Variants in SLC30A8 observed in about 807,000 individuals in gnomAD.
The protein encoded by SLC30A8 is proton-coupled zinc antiporter SLC30A8.
Under a neutral mutation model 36.9 loss-of-function variants are expected in SLC30A8, and 27 were observed. The ratio of observed to expected loss-of-function variants is 0.73; its 90% CI spans 0.54 to 1.01. SLC30A8 has a LOEUF of 1.01. Ranked by LOEUF, SLC30A8 falls within the 50% of genes least tolerant of loss-of-function variation. The pLI, the probability that SLC30A8 is intolerant of heterozygous loss-of-function variation, is 0.00. For synonymous variants in SLC30A8, 164 were observed against 172.4 expected, an observed-to-expected ratio of 0.95 and a Z score of 0.38; for missense variants, 439 against 452.0, an observed-to-expected ratio of 0.97 and a Z score of 0.26.
chr8:117,172,920 T>G lies in SLC30A8; in HGVS notation c.*239T>G, dbSNP rs1218973473. 1 of 518,930 alleles carries G rather than the reference T, an allele frequency of 1.9e-6. No individual in the cohort carries two copies. The highest frequency in any genetic ancestry group is 3.4e-6 in the Non-Finnish European group (1 of 294,564). 32.1% of individuals were successfully genotyped at this position (518,930 alleles called of 1,614,324 possible). On this transcript the variant is annotated 3_prime_UTR_variant, in exon 8 of 8. Transcript: ENST00000456015. Reference sequence around the variant, plus strand: ...TCAATTGCAGGAATGTGTATATAGATTATTCCTGAGTGGAGCCGAAGTAAC... The same window carrying G: ...TCAATTGCAGGAATGTGTATATAGAGTATTCCTGAGTGGAGCCGAAGTAAC...
At chr8:117,093,339 G>A (rs543160683) in intron 2 of SLC30A8, among the ~76,000 whole-genome samples, 2 of 151,736 alleles carry the variant, frequency 1.3e-5, no homozygotes, top group South Asian at 2.1e-4. Context: ...CAAGTAAGGT[G>A]AATGTGTACT....
chr8:117,111,476 G>T (rs970155352), intron 2 of SLC30A8, among the ~76,000 whole-genome samples: 10 of 152,044 alleles, frequency 6.6e-5, no homozygotes, highest in Non-Finnish European at 1.5e-4. Context: ...CAAATTATTG[G>T]TTGCTGTGCT....
At chr8:117,041,919 A>G (rs1211556817) in intron 2 of SLC30A8, among the ~76,000 whole-genome samples, 1 of 152,206 alleles carries the variant, frequency 6.6e-6, no homozygotes, top group East Asian at 1.9e-4. Flanking sequence ...ATATTGGCCA[A>G]TGAAGGAAAA....
chr8:117,166,063 C>T (rs972505638), intron 6 of SLC30A8, among the ~76,000 whole-genome samples: 1 of 152,078 alleles, frequency 6.6e-6, no homozygotes, highest in Non-Finnish European at 1.5e-5. Context: ...TTCTATAGCA[C>T]TACAGAATGA....
At chr8:117,084,991 AT>A (rs902995612) in intron 2 of SLC30A8, among the ~76,000 whole-genome samples, 35 of 151,654 alleles carry the variant, frequency 2.3e-4, no homozygotes, top group African/African-American at 7.5e-4. Flanking sequence ...AAAGAGATTG[AT>A]TTTTTTTTAA....
chr8:116,970,785 T>C lies in SLC30A8; in HGVS notation c.-266+19666T>C, dbSNP rs116653867. 9.1e-3 allele frequency among the ~76,000 whole-genome samples: 1,389 copies of C among 152,262 alleles called. 32 individuals carry two copies. The highest frequency in any genetic ancestry group is 0.031 in the African/African-American group (1,289 of 41,544). On this transcript the variant is annotated intron_variant, in intron 1 of 10. Coordinates refer to the SLC30A8 transcript ENST00000427715. ...ATAGCCTCAGATGTTAGCTATTTTT[T>C]TTATTACTGATTATATTATGAAAAT...
chr8:116,961,029 G>C (rs1358247258), intron 1 of SLC30A8, among the ~76,000 whole-genome samples: 4 of 152,110 alleles, frequency 2.6e-5, no homozygotes, highest in African/African-American at 4.8e-5. Flanking sequence ...AGGTGGGGAG[G>C]AAGGGAGAAA....
At chr8:117,110,636 G>A (rs369556388) in intron 2 of SLC30A8, among the ~76,000 whole-genome samples, 1 of 152,178 alleles carries the variant, frequency 6.6e-6, no homozygotes, top group Non-Finnish European at 1.5e-5. Context: ...TCTCTGAGAG[G>A]ATCAAGGAAT....
intron 2 of SLC30A8, among the ~76,000 whole-genome samples, chr8:117,116,227 C>G (rs991720612): frequency 2.6e-5 from 4 of 151,968 alleles, no homozygotes; most frequent in Admixed American, 2.6e-4. Flanking sequence ...GAATTTTGTT[C>G]TGAGTGTAAT....
intron 1 of SLC30A8, among the ~76,000 whole-genome samples, chr8:116,985,418 T>G (rs1220877382): frequency 6.6e-6 from 1 of 152,072 alleles, no homozygotes; most frequent in African/African-American, 2.4e-5. Flanking sequence ...TTCATTATTT[T>G]TTTAACAGCT....
In SLC30A8 at chr8:116,994,163, A is replaced by G. The variant is rs146786639; in HGVS notation, c.-266+43044A>G. Among the ~76,000 whole-genome samples the G allele has an allele frequency of 1.6e-4, 25 of 152,230 alleles. No individual in the cohort carries two copies. In the East Asian group the frequency reaches 4.6e-3, roughly 28 times the overall value. On this transcript the variant is annotated intron_variant, in intron 1 of 10. Coordinates refer to the SLC30A8 transcript ENST00000427715. ...CTTCACAGAAATGATTCAAGGGAAT[A>G]TGAATGGAGAGAATTTGGAGCAACT...
intron 1 of SLC30A8, among the ~76,000 whole-genome samples, chr8:117,015,565 G>T (rs986384505): frequency 6.6e-6 from 1 of 152,050 alleles, no homozygotes; most frequent in Non-Finnish European, 1.5e-5. Flanking sequence ...AAGAGGGCGA[G>T]GGAGGGCTTT....
intron 2 of SLC30A8, among the ~76,000 whole-genome samples, chr8:117,047,301 A>G (rs1817583317): frequency 6.6e-6 from 1 of 152,194 alleles, no homozygotes; most frequent in Non-Finnish European, 1.5e-5. Context: ...GAGGAAACCA[A>G]GGCTCAGCTA....
chr8:116,981,425 A>G (rs914663564), intron 1 of SLC30A8, among the ~76,000 whole-genome samples: 1 of 152,150 alleles, frequency 6.6e-6, no homozygotes, highest in Non-Finnish European at 1.5e-5. Context: ...TTTTAAAGTT[A>G]TATTTTAGAT....
rs1385594574 is a variant in SLC30A8 at position 117,143,792 on chromosome 8, G to C, written c.72-3162G>C. On this transcript the variant is annotated intron_variant, in intron 1 of 7. Transcript: ENST00000456015. The stretch of plus-strand genomic sequence containing the variant: ...TTCTTCAAGGAGCAGTCTCAGCTCA[G>C]AGTATATCCATATTTGTTAACCTTA... 2.0e-5 allele frequency among the ~76,000 whole-genome samples: 3 copies of C among 152,090 alleles called. No individual in the cohort carries two copies. The East Asian group carries it at 5.8e-4, about 30-fold the overall frequency.
chr8:116,971,734 T>C (rs1469281456), intron 1 of SLC30A8, among the ~76,000 whole-genome samples: 1 of 152,198 alleles, frequency 6.6e-6, no homozygotes, highest in Non-Finnish European at 1.5e-5. Context: ...CCTTCCACTA[T>C]TTTAATACTC....
chr8:116,961,211 C>T (rs977198384), intron 1 of SLC30A8, among the ~76,000 whole-genome samples: 3 of 152,096 alleles, frequency 2.0e-5, no homozygotes, highest in Non-Finnish European at 2.9e-5. Context: ...GGTTGGATCA[C>T]GAGGTCAGGA....
intron 1 of SLC30A8, among the ~76,000 whole-genome samples, chr8:116,963,643 T>C (rs1407844522): frequency 6.6e-6 from 1 of 152,260 alleles, no homozygotes; most frequent in Non-Finnish European, 1.5e-5. Context: ...CCACATTTTA[T>C]TTATTCATTT....
chr8:117,112,628 CAGGAAGTTTT>C (rs1820278629), intron 2 of SLC30A8, among the ~76,000 whole-genome samples: 1 of 152,050 alleles, frequency 6.6e-6, no homozygotes, highest in African/African-American at 2.4e-5. Context: ...TGAGCATTGG[CAGGAAGTTTT>C]AGGAAGACAA....
Sources: gnomAD v4.1 joint callset for allele counts (sites outside exome capture counted in the v4.1 genomes callset) on GRCh38, gnomAD v4.1.1 for gene constraint, MANE v1.5 for transcripts, NCBI Gene and HGNC (gene_info 2026-07-23, HGNC 2026-07-21) for gene names.